TANGO6: variants seen among roughly 807,000 people sequenced by gnomAD.
The protein encoded by TANGO6 is transport and Golgi organization protein 6 homolog.
A neutral mutation model predicts 114.2 loss-of-function variants in TANGO6; 90 were observed. The observed-to-expected ratio is 0.79, with a 90% CI of 0.66 to 0.94. The LOEUF (loss-of-function observed/expected upper bound fraction) is 0.94. Ranked by LOEUF, TANGO6 falls within the 40% of genes least tolerant of loss-of-function variation. The pLI, the probability that TANGO6 is intolerant of heterozygous loss-of-function variation, is 0.00. For synonymous variants in TANGO6, 477 were observed against 509.8 expected, an observed-to-expected ratio of 0.94 and a Z score of 0.87; for missense variants, 1,274 against 1,315.3, an observed-to-expected ratio of 0.97 and a Z score of 0.49.
chr16:69,022,926 C>T lies in TANGO6; in HGVS notation c.2941C>T (p.Leu981Phe), dbSNP rs752208483. The T allele has an allele frequency of 1.7e-5, 27 of 1,604,804 alleles. No homozygotes were observed. Among genetic ancestry groups the T allele is most frequent in the East Asian group, 2.2e-5 (1 of 44,702 alleles). Reference protein sequence around the residue: ...GAHRASSLANLGELCQRLDFL... With the variant: ...GAHRASSLANFGELCQRLDFL... ...TCACAGGGCCAGCAGCTTGGCCAAC[C>T]TTGGGGAGCTGTGCCAGAGGCTGGA... The change falls in exon 16 of 18, where the codon CTT becomes TTT. Residue 981 changes from leucine to phenylalanine, a missense_variant. By Grantham distance (22) the Leu-to-Phe change is conservative. Transcript: ENST00000261778.
At chr16:69,061,260 C>T (rs2152240114) in intron 17 of TANGO6, among the ~76,000 whole-genome samples, 1 of 152,208 alleles carries the variant, frequency 6.6e-6, no homozygotes, top group South Asian at 2.1e-4. Context: ...TAGAATCACT[C>T]TGCTTTTCAA....
intron 15 of TANGO6, among the ~76,000 whole-genome samples, chr16:69,005,232 T>C (rs1317647338): frequency 6.6e-6 from 1 of 152,062 alleles, no homozygotes; most frequent in Non-Finnish European, 1.5e-5. Flanking sequence ...AAGGAAAAAC[T>C]ACAAACGTGA....
chr16:68,884,005 G>A (rs1344045650), intron 7 of TANGO6, among the ~76,000 whole-genome samples: 2 of 152,036 alleles, frequency 1.3e-5, no homozygotes, highest in Non-Finnish European at 2.9e-5. Flanking sequence ...CACCTCCCAG[G>A]TTCAAGCGAT....
chr16:68,951,656 A>G (rs1359634131), intron 14 of TANGO6, among the ~76,000 whole-genome samples: 1 of 144,040 alleles, frequency 6.9e-6, no homozygotes, highest in Non-Finnish European at 1.5e-5. Flanking sequence ...TCTATCGCCT[A>G]AGCTAGAGTG....
chr16:69,020,864 G>A (rs1959388192), intron 15 of TANGO6, among the ~76,000 whole-genome samples: 1 of 151,764 alleles, frequency 6.6e-6, no homozygotes, highest in African/African-American at 2.4e-5. Context: ...TCCAGCCTGG[G>A]TAACAGAGCA....
chr16:69,005,313 TA>T (rs1964082512), intron 15 of TANGO6, among the ~76,000 whole-genome samples: 1 of 152,108 alleles, frequency 6.6e-6, no homozygotes, highest in Non-Finnish European at 1.5e-5. Context: ...TGTTAGAAAC[TA>T]AAGAGAAAAT....
At chr16:69,029,472 C>T (rs1959558704) in intron 16 of TANGO6, among the ~76,000 whole-genome samples, 1 of 152,118 alleles carries the variant, frequency 6.6e-6, no homozygotes, top group Non-Finnish European at 1.5e-5. Flanking sequence ...TAAGACATAT[C>T]ACTCTTCAAA....
Position 69,040,305 on chromosome 16 carries a change from T to C in TANGO6, c.2995-3T>C, listed in dbSNP as rs763562943. The C allele has an allele frequency of 7.2e-5, 115 of 1,598,668 alleles. 1 individual carries two copies. In the Admixed American group the frequency reaches 2.0e-3, roughly 27 times the overall value. The stretch of plus-strand genomic sequence containing the variant: ...TCAACTTCATCTTCCTTCATCCTCC[T>C]AGGTAACAGCTTGCCTGATTGCTGT... On this transcript the variant is annotated splice_polypyrimidine_tract_variant and splice_region_variant and intron_variant, in intron 16 of 17. Coordinates refer to ENST00000261778, the MANE Select transcript of TANGO6 (RefSeq NM_024562.2).
At chr16:69,011,959 T>G (rs16958558) in intron 15 of TANGO6, among the ~76,000 whole-genome samples, 3,829 of 152,332 alleles carry the variant, frequency 0.025, 166 homozygotes, top group African/African-American at 0.088. Flanking sequence ...TTAAAATTTT[T>G]TCAGCTCTCT....
intron 17 of TANGO6, among the ~76,000 whole-genome samples, chr16:69,048,677 AC>A (rs1348981111): frequency 5.9e-5 from 9 of 152,182 alleles, no homozygotes; most frequent in African/African-American, 1.9e-4. Context: ...TGGTGGGTTC[AC>A]CATTAATACT....
chr16:68,966,731 GTAGT>G (rs1318537471), intron 14 of TANGO6, among the ~76,000 whole-genome samples: 1 of 150,212 alleles, frequency 6.7e-6, no homozygotes, highest in East Asian at 2.0e-4. Context: ...AGCCTCTCAA[GTAGT>G]TAGGACTAGA....
At chr16:68,881,369 C>T (rs188486425) in intron 7 of TANGO6, among the ~76,000 whole-genome samples, 3 of 152,150 alleles carry the variant, frequency 2.0e-5, no homozygotes, top group South Asian at 4.1e-4. Flanking sequence ...CAAAAATTAG[C>T]CGGGCCTGGT....
chr16:68,883,488 G>C (rs1159059392), intron 7 of TANGO6, among the ~76,000 whole-genome samples: 1 of 151,984 alleles, frequency 6.6e-6, no homozygotes, highest in Non-Finnish European at 1.5e-5. Flanking sequence ...TCTTTTCATT[G>C]CCAAATGGTA....
chr16:68,909,479 G>A, intron 11 of TANGO6, 77 bp downstream of exon 11: 6 of 1,318,750 alleles, frequency 4.5e-6, no homozygotes, highest in Non-Finnish European at 5.9e-6. Context: ...TGCTGAGAGT[G>A]TGATTTGATG....
At chr16:68,877,887 C>T (rs1171010207) in intron 5 of TANGO6, among the ~76,000 whole-genome samples, 1 of 152,108 alleles carries the variant, frequency 6.6e-6, no homozygotes, top group Non-Finnish European at 1.5e-5. Flanking sequence ...GGATTACAGG[C>T]GTGAGCCACC....
intron 7 of TANGO6, among the ~76,000 whole-genome samples, chr16:68,893,757 C>CAAA (rs796651419): frequency 2.1e-3 from 179 of 84,156 alleles, no homozygotes; most frequent in African/African-American, 7.0e-3. Context: ...AGAAAACAAC[C>CAAA]AAAAAAAAAA....
intron 15 of TANGO6, among the ~76,000 whole-genome samples, chr16:68,976,748 T>A (rs1963768738): frequency 6.6e-6 from 1 of 152,158 alleles, no homozygotes; most frequent in Non-Finnish European, 1.5e-5. Flanking sequence ...GAGAATGAGG[T>A]TCCGTTTTAG....
At chr16:69,074,353 G>A (rs1960341002) in intron 17 of TANGO6, among the ~76,000 whole-genome samples, 1 of 152,000 alleles carries the variant, frequency 6.6e-6, no homozygotes, top group Admixed American at 6.6e-5. Context: ...TTGTGCAAGA[G>A]GGAATTCAGG....
chr16:68,860,101 CT>C lies in TANGO6; in HGVS notation c.314del (p.Leu105Ter). 6.2e-7 allele frequency: 1 copy of C among 1,613,996 alleles called. No homozygotes were observed. On this transcript the variant is annotated frameshift_variant, in exon 2 of 18. Coordinates refer to ENST00000261778, the MANE Select transcript of TANGO6 (RefSeq NM_024562.2). LOFTEE classifies it high-confidence loss of function. The stretch of plus-strand genomic sequence containing the variant: ...CTCAAACCTTGTTGTTGCTTTTGTG[CT>C]TGAAGGAAACCATGATCCGCCTTGC... ...TSQTLLLLLC[L>X]KETMIRLAAN...
Sources: gnomAD v4.1 joint callset for allele counts (sites outside exome capture counted in the v4.1 genomes callset) on GRCh38, gnomAD v4.1.1 for gene constraint, MANE v1.5 for transcripts, NCBI Gene and HGNC (gene_info 2026-07-23, HGNC 2026-07-21) for gene names.